Variants in SEC24B observed in about 807,000 individuals in gnomAD.
SEC24B encodes the protein protein transport protein Sec24B.
A neutral mutation model predicts 142.8 loss-of-function variants in SEC24B; 45 were observed. That is an observed-to-expected ratio of 0.32 (90% CI 0.25 to 0.40). The LOEUF (loss-of-function observed/expected upper bound fraction) is 0.40, where lower values mean the gene tolerates loss of function less well. Among genes scored for constraint, SEC24B ranks in the 10% least tolerant of loss-of-function variants. The probability of loss-of-function intolerance (pLI) is 1.00; values close to 1 mark genes in which losing one functional copy is unlikely to be tolerated. For synonymous variants in SEC24B, 574 were observed against 568.2 expected (o/e 1.01, Z -0.15); for missense variants, 1,409 against 1,526.8 (o/e 0.92, Z 1.29).
intron 6 of SEC24B, among the ~76,000 whole-genome samples, chr4:109,505,100 A>C (rs535078133): frequency 1.3e-5 from 2 of 152,114 alleles, no homozygotes; most frequent in Non-Finnish European, 2.9e-5. Flanking sequence ...GAAATAAGAT[A>C]TCTCTGAATA....
chr4:109,515,946 G>A (rs1456071894), intron 10 of SEC24B, among the ~76,000 whole-genome samples: 1 of 151,752 alleles, frequency 6.6e-6, no homozygotes, highest in Non-Finnish European at 1.5e-5. Context: ...TACTCAGGAG[G>A]CTGAGGCAGG....
At position 109,535,064 on chromosome 4, in the gene SEC24B, C is replaced by T. The variant is rs779467649; in HGVS notation, c.3588+1379C>T. 2.0e-5 allele frequency among the ~76,000 whole-genome samples: 3 copies of T among 152,124 alleles called. No individual in the cohort carries two copies. In the South Asian group the frequency reaches 6.2e-4, roughly 31 times the overall value. ...CCCATTCATCCACTGATGGATATTT[C>T]AGTTGTTTTTGCTTTGGGACTATTG... is the stretch of plus-strand genomic sequence containing the variant. On this transcript the variant is annotated intron_variant, in intron 22 of 23. Coordinates refer to ENST00000265175, the MANE Select transcript of SEC24B (RefSeq NM_006323.5).
chr4:109,467,092 C>CGAG (rs530738341), intron 2 of SEC24B, among the ~76,000 whole-genome samples: 7,084 of 151,712 alleles, frequency 0.047, 179 homozygotes, highest in African/African-American at 0.07. Flanking sequence ...TTTGGGAGGC[C>CGAG]GAGGCGGGCG....
chr4:109,522,132 A>G (rs1202095160), intron 14 of SEC24B, among the ~76,000 whole-genome samples: 1 of 150,914 alleles, frequency 6.6e-6, no homozygotes, highest in Admixed American at 6.6e-5. Flanking sequence ...GCTCACTGCA[A>G]GCTCTGCCTT....
intron 4 of SEC24B, among the ~76,000 whole-genome samples, chr4:109,485,010 C>T (rs982233058): frequency 1.3e-5 from 2 of 152,016 alleles, no homozygotes; most frequent in Non-Finnish European, 2.9e-5. Flanking sequence ...GAATGCCAGT[C>T]GTAGCAATAC....
chr4:109,440,077 G>A (rs1443670678), intron 1 of SEC24B, among the ~76,000 whole-genome samples: 1 of 150,788 alleles, frequency 6.6e-6, no homozygotes, highest in Admixed American at 6.6e-5. Flanking sequence ...CCAAGATTGT[G>A]CCATTGCACT....
At position 109,448,189 on chromosome 4, in the gene SEC24B, C is replaced by T. The variant is rs1729658774; in HGVS notation, c.133+14187C>T. Among the ~76,000 whole-genome samples the T allele has an allele frequency of 2.0e-5, 3 of 152,098 alleles. No individual in the cohort carries two copies. In the East Asian group the frequency reaches 5.8e-4, roughly 29 times the overall value. On this transcript the variant is annotated intron_variant, in intron 1 of 23. Transcript: ENST00000265175. Reference sequence around the variant, plus strand: ...CCTTTGCCAGGTAATCTAACATATTCACAAGTTTCAGAGATTAGGATATGG... The same window carrying T: ...CCTTTGCCAGGTAATCTAACATATTTACAAGTTTCAGAGATTAGGATATGG...
At chr4:109,539,305 T>C (rs1288566263) in intron 23 of SEC24B, among the ~76,000 whole-genome samples, 3 of 151,938 alleles carry the variant, frequency 2.0e-5, no homozygotes, top group Non-Finnish European at 4.4e-5. Context: ...TGGGGATCTT[T>C]CTATCTTGCC....
chr4:109,529,814 G>A (rs931797141), intron 18 of SEC24B, among the ~76,000 whole-genome samples: 1 of 152,142 alleles, frequency 6.6e-6, no homozygotes, highest in Non-Finnish European at 1.5e-5. Context: ...GGTTACTGCA[G>A]CTTCGACCTC....
intron 6 of SEC24B, among the ~76,000 whole-genome samples, chr4:109,504,897 A>G (rs1297094649): frequency 1.3e-5 from 2 of 152,124 alleles, no homozygotes; most frequent in African/African-American, 4.8e-5. Flanking sequence ...CATTAACATA[A>G]TGGAGTGCTC....
At position 109,463,182 on chromosome 4, in the gene SEC24B, T is replaced by A. The variant is rs1371363522; in HGVS notation, c.415T>A (p.Ser139Thr). The change falls in exon 2 of 24, where the codon TCG becomes ACG. Residue 139 changes from serine (S) to threonine (T), a missense_variant. By Grantham distance (58) the Ser-to-Thr change is moderately conservative. Coordinates refer to ENST00000265175, the MANE Select transcript of SEC24B (RefSeq NM_006323.5). Reference protein sequence around the residue: ...STLGSFQGAASSASHLHTSAS... With the variant: ...STLGSFQGAATSASHLHTSAS... ...TCTAGGATCTTTCCAAGGTGCTGCA[T>A]CGTCAGCATCCCATTTGCATACGAG... is the stretch of plus-strand genomic sequence containing the variant. 1 of 1,614,104 alleles carries A rather than the reference T, an allele frequency of 6.2e-7. No homozygotes were observed. The highest frequency in any genetic ancestry group is 1.3e-5 in the African/African-American group (1 of 74,928).
intron 6 of SEC24B, among the ~76,000 whole-genome samples, chr4:109,498,907 G>A (rs1413122334): frequency 1.3e-5 from 2 of 151,706 alleles, no homozygotes; most frequent in Non-Finnish European, 2.9e-5. Context: ...TTTTAGGGTG[G>A]AAAAACAGGG....
At position 109,502,166 on chromosome 4, in the gene SEC24B, G is replaced by T. The variant is rs768043875; in HGVS notation, c.1489-4162G>T. On this transcript the variant is annotated intron_variant, in intron 6 of 23. Transcript: ENST00000265175. ...ACTGATATGCAAAGACTTAAGGCAG[G>T]AACAAGTTTGACATGTTTGAGGAAT... Among the ~76,000 whole-genome samples, 11 of 152,182 alleles carry T rather than the reference G, an allele frequency of 7.2e-5. No individual in the cohort carries two copies. In the South Asian group the frequency reaches 8.3e-4, roughly 11 times the overall value.
chr4:109,514,122 C>T (rs1412935483), intron 10 of SEC24B, among the ~76,000 whole-genome samples: 2 of 152,004 alleles, frequency 1.3e-5, no homozygotes, highest in Non-Finnish European at 1.5e-5. Flanking sequence ...TTTTGATTTC[C>T]TTGCATGGAA....
chr4:109,528,428 C>T (rs1724507128), intron 18 of SEC24B, among the ~76,000 whole-genome samples: 1 of 129,744 alleles, frequency 7.7e-6, no homozygotes, highest in African/African-American at 3.1e-5. Flanking sequence ...GAGACTGCAT[C>T]TCAAAAAAAA....
chr4:109,471,697 A>T (rs1380031095), intron 2 of SEC24B, among the ~76,000 whole-genome samples: 3 of 152,144 alleles, frequency 2.0e-5, no homozygotes, highest in African/African-American at 7.2e-5. Flanking sequence ...GGCTTCACTC[A>T]CATGTCTAGC....
intron 1 of SEC24B, among the ~76,000 whole-genome samples, chr4:109,445,242 GTTT>G (rs70949078): frequency 1.8e-5 from 2 of 112,776 alleles, no homozygotes; most frequent in Admixed American, 9.3e-5. Flanking sequence ...TTCTTTCTTT[GTTT>G]TTTTTTTTTT....
At chr4:109,466,574 C>T (rs1731901534) in intron 2 of SEC24B, among the ~76,000 whole-genome samples, 1 of 152,152 alleles carries the variant, frequency 6.6e-6, no homozygotes, top group African/African-American at 2.4e-5. Flanking sequence ...CCACACCTGG[C>T]TAATTTTTTA....
intron 22 of SEC24B, among the ~76,000 whole-genome samples, chr4:109,535,784 G>A (rs1274842542): frequency 2.0e-5 from 3 of 151,964 alleles, no homozygotes; most frequent in Non-Finnish European, 2.9e-5. Flanking sequence ...ACCGGGAGGC[G>A]GAGCTTGCAG....
Sources: allele counts gnomAD v4.1 joint callset (sites outside exome capture counted in the v4.1 genomes callset), GRCh38; gene constraint gnomAD v4.1.1; transcripts MANE v1.5; gene names NCBI Gene and HGNC (gene_info 2026-07-23, HGNC 2026-07-21).